The following KCNQ5 variants were observed in gnomAD, a reference collection of about 807,000 sequenced individuals.
The protein encoded by KCNQ5 is potassium voltage-gated channel subfamily KQT member 5.
KCNQ5 carries 30 observed loss-of-function variants against 98.2 expected under a neutral mutation model. The observed-to-expected ratio is 0.31, with a 90% CI of 0.23 to 0.41. The LOEUF is 0.41. Among genes scored for constraint, KCNQ5 ranks in the 10% least tolerant of loss-of-function variants. KCNQ5 has a pLI of 1.00. For synonymous variants in KCNQ5, 458 were observed against 449.4 expected (o/e 1.02, Z -0.24); for missense variants, 835 against 1,182.5 (o/e 0.71, Z 4.31).
At chr6:73,138,660 C>T (rs1465052648) in intron 10 of KCNQ5, among the ~76,000 whole-genome samples, 1 of 152,194 alleles carries the variant, frequency 6.6e-6, no homozygotes, top group African/African-American at 2.4e-5. Context: ...CTGAGCAATC[C>T]TCAGTGCTCA....
intron 3 of KCNQ5, chr6:73,055,806 C>A: frequency 1.2e-6 from 1 of 824,328 alleles, no homozygotes; most frequent in Non-Finnish European, 2.1e-6. Context: ...ATGAAGAGAC[C>A]ATGTGCAAAG....
chr6:72,701,949 C>T (rs1768830869), intron 1 of KCNQ5, among the ~76,000 whole-genome samples: 1 of 152,120 alleles, frequency 6.6e-6, no homozygotes, highest in Non-Finnish European at 1.5e-5. Flanking sequence ...CAGCCTCGGC[C>T]TCCCAAAGTG....
intron 1 of KCNQ5, among the ~76,000 whole-genome samples, chr6:72,982,798 G>A (rs938409318): frequency 6.6e-6 from 1 of 152,154 alleles, no homozygotes; most frequent in African/African-American, 2.4e-5. Context: ...CGTTTTTGCA[G>A]TGTCTGGTAC....
chr6:73,081,800 T>C (rs899639729), intron 5 of KCNQ5, among the ~76,000 whole-genome samples: 3 of 152,144 alleles, frequency 2.0e-5, no homozygotes, highest in African/African-American at 7.2e-5. Context: ...TCTTAAATTA[T>C]AATCTGACCA....
intron 1 of KCNQ5, among the ~76,000 whole-genome samples, chr6:72,821,482 G>C (rs1439528360): frequency 6.6e-6 from 1 of 152,012 alleles, no homozygotes; most frequent in Non-Finnish European, 1.5e-5. Flanking sequence ...TCACATATTA[G>C]TTCTTGTTAC....
chr6:73,080,816 C>T (rs571161814), intron 5 of KCNQ5, among the ~76,000 whole-genome samples: 2 of 152,220 alleles, frequency 1.3e-5, no homozygotes, highest in African/African-American at 4.8e-5. Flanking sequence ...ATACGCTGTG[C>T]CAGTGAATTT....
intron 3 of KCNQ5, among the ~76,000 whole-genome samples, chr6:73,076,239 T>C (rs781095560): frequency 6.6e-6 from 1 of 152,196 alleles, no homozygotes; most frequent in Non-Finnish European, 1.5e-5. Flanking sequence ...TACTCACTTA[T>C]ACAGCAGTTA....
chr6:72,833,473 C>T (rs976484429), intron 1 of KCNQ5, among the ~76,000 whole-genome samples: 1 of 152,152 alleles, frequency 6.6e-6, no homozygotes, highest in African/African-American at 2.4e-5. Context: ...ATACTGATTT[C>T]TTCCCTTGTC....
chr6:73,090,179 T>C (rs1240743586), intron 5 of KCNQ5, among the ~76,000 whole-genome samples: 1 of 152,204 alleles, frequency 6.6e-6, no homozygotes, highest in Non-Finnish European at 1.5e-5. Context: ...TGAGCATTTT[T>C]TCATGTGTCT....
At chr6:73,178,759 TTAGA>T (rs1778304615) in intron 11 of KCNQ5, among the ~76,000 whole-genome samples, 1 of 152,190 alleles carries the variant, frequency 6.6e-6, no homozygotes, top group Non-Finnish European at 1.5e-5. Flanking sequence ...TAGAGGAATC[TTAGA>T]TATATAATTT....
chr6:72,797,472 C>G (rs910964881), intron 1 of KCNQ5, among the ~76,000 whole-genome samples: 1 of 150,464 alleles, frequency 6.6e-6, no homozygotes, highest in African/African-American at 2.5e-5. Context: ...TCCACTGCAC[C>G]CCAGCCTGGG....
intron 1 of KCNQ5, among the ~76,000 whole-genome samples, chr6:72,826,663 A>G (rs1338525885): frequency 6.6e-6 from 1 of 152,168 alleles, no homozygotes; most frequent in Non-Finnish European, 1.5e-5. Context: ...ATGTATAATG[A>G]TCAGAACAGG....
chr6:72,720,836 G>T (rs1483599322), intron 1 of KCNQ5, among the ~76,000 whole-genome samples: 1 of 152,142 alleles, frequency 6.6e-6, no homozygotes, highest in African/African-American at 2.4e-5. Flanking sequence ...TCAACTTCTA[G>T]CTCTAAGTCC....
intron 1 of KCNQ5, among the ~76,000 whole-genome samples, chr6:72,679,108 T>G (rs1767563718): frequency 6.6e-6 from 1 of 152,172 alleles, no homozygotes; most frequent in Non-Finnish European, 1.5e-5. Context: ...AATGTTTGTT[T>G]TGGGAAATGA....
chr6:73,114,309 G>A (rs1280889706), intron 7 of KCNQ5, among the ~76,000 whole-genome samples: 7 of 152,214 alleles, frequency 4.6e-5, no homozygotes, highest in East Asian at 1.9e-4. Context: ...GCCCAAAAGC[G>A]TCTCATTTAT....
chr6:73,071,610 G>C (rs1482807756), intron 3 of KCNQ5, among the ~76,000 whole-genome samples: 6 of 152,204 alleles, frequency 3.9e-5, no homozygotes, highest in Non-Finnish European at 7.3e-5. Flanking sequence ...ATGGCAGAAG[G>C]TGAAGTGGGG....
intron 10 of KCNQ5, among the ~76,000 whole-genome samples, chr6:73,144,089 C>G (rs567926228): frequency 6.6e-6 from 1 of 152,148 alleles, no homozygotes; most frequent in East Asian, 1.9e-4. Flanking sequence ...ATGGTGTGCT[C>G]TACTTGGTAA....
At chr6:73,153,139 C>T (rs1777222442) in intron 10 of KCNQ5, among the ~76,000 whole-genome samples, 1 of 152,040 alleles carries the variant, frequency 6.6e-6, no homozygotes, top group South Asian at 2.1e-4. Flanking sequence ...CTAACGTTGC[C>T]AATTCCTGAG....
chr6:72,907,561 A>G (rs185712700), intron 1 of KCNQ5, among the ~76,000 whole-genome samples: 132 of 152,254 alleles, frequency 8.7e-4, no homozygotes, highest in African/African-American at 3.1e-3. Flanking sequence ...TATTTATCTT[A>G]CTATAAGTAA....
Sources: gnomAD v4.1 joint callset for allele counts (sites outside exome capture counted in the v4.1 genomes callset) on GRCh38, gnomAD v4.1.1 for gene constraint, MANE v1.5 for transcripts, NCBI Gene and HGNC (gene_info 2026-07-23, HGNC 2026-07-21) for gene names.